ACY3: variants seen among roughly 807,000 people sequenced by gnomAD.
The protein encoded by ACY3 is N-acyl-aromatic-L-amino acid amidohydrolase (carboxylate-forming).
In ACY3, 20 loss-of-function variants were observed where a neutral mutation model predicts 24.6. That is an observed-to-expected ratio of 0.81 (90% CI 0.57 to 1.18). ACY3 has a LOEUF of 1.18. ACY3 is among the 50% of genes most tolerant of loss of function. The pLI, the probability that ACY3 is intolerant of heterozygous loss-of-function variation, is 0.00. For synonymous variants in ACY3, 174 were observed against 188.4 expected (o/e 0.92, Z 0.62); for missense variants, 423 against 426.8 (o/e 0.99, Z 0.08).
chr11:67,644,753 C>CACACAG lies in ACY3; in HGVS notation c.744+6_744+7insCTGTGT. The CACACAG allele has an allele frequency of 6.5e-7, 1 of 1,549,872 alleles. No homozygotes were observed. The highest frequency in any genetic ancestry group is 8.7e-7 in the Non-Finnish European group (1 of 1,147,454). On this transcript the variant is annotated splice_region_variant and intron_variant, in intron 7 of 7. Coordinates refer to ENST00000255082, the MANE Select transcript of ACY3 (RefSeq NM_080658.2). The stretch of plus-strand genomic sequence containing the variant: ...CCCACCACACACACACACACACACA[C>CACACAG]ACACACCTGCAGCTGAGGATGCACA...
chr11:67,645,217 C>T (rs969655566), intron 5 of ACY3, 65 bp from the exon 6 acceptor site: 1 of 1,606,144 alleles, frequency 6.2e-7, no homozygotes, highest in Non-Finnish European at 8.5e-7. Flanking sequence ...AGAGGCCCTG[C>T]CCCTTGGTGA....
chr11:67,643,367 G>A (rs568144401), intron 7 of ACY3, among the ~76,000 whole-genome samples: 1 of 152,358 alleles, frequency 6.6e-6, no homozygotes, highest in African/African-American at 2.4e-5. Flanking sequence ...CACACGGTAA[G>A]TACAATATGA....
intron 1 of ACY3, among the ~76,000 whole-genome samples, chr11:67,649,086 G>A (rs1170518758): frequency 6.6e-6 from 1 of 152,210 alleles, no homozygotes; most frequent in East Asian, 1.9e-4. Context: ...GAAGCTCTAG[G>A]GGTTGGGTGA....
In ACY3 at chr11:67,648,816, G is replaced by T. The variant is rs75274167; in HGVS notation, c.-94-1227C>A. Among the ~76,000 whole-genome samples the T allele has an allele frequency of 8.4e-3, 1,286 of 152,336 alleles. 18 individuals carry two copies. Among genetic ancestry groups the T allele is most frequent in the African/African-American group, 0.029 (1,215 of 41,572 alleles). On this transcript the variant is annotated intron_variant, in intron 1 of 7. Transcript: ENST00000255082. ...AGAGCATGGCGATTGTGGGGACAGGGGATTTGTCATCCTGGCTCCCATCAG... is the reference window on the plus strand; with the variant it reads ...AGAGCATGGCGATTGTGGGGACAGGTGATTTGTCATCCTGGCTCCCATCAG...
Position 67,645,303 on chromosome 11 carries a change from C to T in ACY3, c.510G>A (p.Val170=), listed in dbSNP as rs750723413. The stretch of plus-strand genomic sequence containing the variant: ...GCGGCCCACCCAGTCCATTTTTGGC[C>T]ACAGAGTCCAGGTTGTAGCTCTCCT... ...SGEESYNLDS[V]AKNGLGLELG... The change falls in exon 5 of 8, where the codon GTG becomes GTA. Residue 170 remains valine, a synonymous_variant. Coordinates refer to ENST00000255082, the MANE Select transcript of ACY3 (RefSeq NM_080658.2). 20 of 1,613,576 alleles carry T rather than the reference C, an allele frequency of 1.2e-5. No homozygotes were observed. The South Asian group carries it at 2.1e-4, about 17-fold the overall frequency.
chr11:67,645,535 T>C (rs2290958), intron 4 of ACY3, among the ~76,000 whole-genome samples, 155 bp from the exon 5 acceptor site: 110,458 of 152,006 alleles, frequency 0.73, 42,587 homozygotes, highest in South Asian at 0.92. Flanking sequence ...ACCGGGGGCC[T>C]GGAGTGCTGG....
At chr11:67,648,347 GGCACTCAGTGCGT>G (rs2134113128) in intron 1 of ACY3, among the ~76,000 whole-genome samples, 1 of 152,298 alleles carries the variant, frequency 6.6e-6, no homozygotes, top group Non-Finnish European at 1.5e-5. Flanking sequence ...GGCTGTAGGT[GGCACTCAGTGCGT>G]CCAATGTGGC....
intron 3 of ACY3, 29 bp from the exon 4 acceptor site, chr11:67,645,916 T>C: frequency 6.4e-7 from 1 of 1,556,892 alleles, no homozygotes; most frequent in Admixed American, 1.9e-5. Context: ...GGGACACCGA[T>C]CTTCACAGTC....
chr11:67,645,301 G>T lies in ACY3; in HGVS notation c.512C>A (p.Ala171Asp), dbSNP rs957241929. The T allele has an allele frequency of 2.5e-6, 4 of 1,613,530 alleles. No homozygotes were observed. The highest frequency in any genetic ancestry group is 3.4e-6 in the Non-Finnish European group (4 of 1,179,990). The change falls in exon 5 of 8, where the codon GCC becomes GAC. Residue 171 changes from alanine to aspartate, a missense_variant. Ala to Asp is a moderately radical substitution (Grantham distance 126). Coordinates refer to ENST00000255082, the MANE Select transcript of ACY3 (RefSeq NM_080658.2). ...CTGCGGCCCACCCAGTCCATTTTTG[G>T]CCACAGAGTCCAGGTTGTAGCTCTC... ...GEESYNLDSV[A>D]KNGLGLELGP...
chr11:67,642,982 G>A (rs1170712474), intron 7 of ACY3, 43 bp from the exon 8 acceptor site: 1 of 1,580,768 alleles, frequency 6.3e-7, no homozygotes, highest in Non-Finnish European at 8.6e-7. Flanking sequence ...GGCCACCTCT[G>A]CCCTGGCCCC....
In ACY3 at chr11:67,642,624, G is replaced by T; in HGVS notation, c.*100C>A. On this transcript the variant is annotated 3_prime_UTR_variant, in exon 8 of 8. Coordinates refer to ENST00000255082, the MANE Select transcript of ACY3 (RefSeq NM_080658.2). ...GTTGGGGAGGCCTGGCAAGGAACATGGTGCATGGTAGGTGGCAGAAGGGAC... is the reference window on the plus strand; with the variant it reads ...GTTGGGGAGGCCTGGCAAGGAACATTGTGCATGGTAGGTGGCAGAAGGGAC... 7.9e-7 allele frequency: 1 copy of T among 1,267,928 alleles called. No homozygotes were observed. The highest frequency in any genetic ancestry group is 1.1e-6 in the Non-Finnish European group (1 of 870,830). The allele number at this position is 1,267,928 out of a possible 1,614,324, so 78.5% of individuals were successfully genotyped here.
At chr11:67,643,807 C>T (rs937961933) in intron 7 of ACY3, among the ~76,000 whole-genome samples, 1 of 151,728 alleles carries the variant, frequency 6.6e-6, no homozygotes, top group African/African-American at 2.4e-5. Flanking sequence ...CCAGCCTGGC[C>T]AACGTGGTGA....
intron 1 of ACY3, among the ~76,000 whole-genome samples, chr11:67,648,304 G>C (rs903788906): frequency 6.6e-6 from 1 of 151,972 alleles, no homozygotes; most frequent in African/African-American, 2.4e-5. Flanking sequence ...CCCTAGAGGC[G>C]GGCTGCAGGT....
rs751021270 is a variant in ACY3 at position 67,645,698 on chromosome 11, A to T, written c.426T>A (p.His142Gln). 6.2e-7 allele frequency: 1 copy of T among 1,601,508 alleles called. No homozygotes were observed. Among genetic ancestry groups the T allele is most frequent in the Non-Finnish European group, 8.5e-7 (1 of 1,174,012 alleles). ...HEVFAMHLCR[H>Q]LQLQYPELSC... is the part of the protein sequence containing the mutation. ...TGCTTGGGGCCGGGGCCACCTGCAG[A>T]TGGCGGCACAGGTGCATGGCAAAGA... Residue 142 changes from histidine (H) to glutamine (Q), a missense_variant, in exon 4 of 8, where the codon CAT (histidine) becomes CAA (glutamine). Physicochemically the swap from His to Gln is conservative, Grantham distance 24 (BLOSUM62 0). Coordinates refer to ENST00000255082, the MANE Select transcript of ACY3 (RefSeq NM_080658.2).
intron 2 of ACY3, 25 bp from the exon 3 acceptor site, chr11:67,647,088 C>A (rs373699278): frequency 1.4e-6 from 2 of 1,431,184 alleles, no homozygotes; most frequent in East Asian, 2.5e-5. Context: ...ACTTAGGAGA[C>A]CCTGGCCCCG....
chr11:67,649,587 T>C (rs1274075688), intron 1 of ACY3, among the ~76,000 whole-genome samples: 2 of 150,758 alleles, frequency 1.3e-5, no homozygotes, highest in South Asian at 2.1e-4. Flanking sequence ...TGCGTGTGCA[T>C]GAGAGCATGT....
At position 67,644,758 on chromosome 11, in the gene ACY3, A is replaced by ACACC; in HGVS notation, c.744+1_744+2insGGTG. 14 of 1,540,896 alleles carry ACACC rather than the reference A, an allele frequency of 9.1e-6. No individual in the cohort carries two copies. Among genetic ancestry groups the ACACC allele is most frequent in the Non-Finnish European group, 1.2e-5 (14 of 1,142,210 alleles). Reference sequence around the variant, plus strand: ...CACACACACACACACACACACACACACCTGCAGCTGAGGATGCACAGTGCC... The same window carrying ACACC: ...CACACACACACACACACACACACACACACCCCTGCAGCTGAGGATGCACAGTGCC... On this transcript the variant is annotated splice_donor_variant, in intron 7 of 7. Coordinates refer to ENST00000255082, the MANE Select transcript of ACY3 (RefSeq NM_080658.2). LOFTEE classifies it high-confidence loss of function.
Position 67,642,747 on chromosome 11 carries a change from G to A in ACY3, c.937C>T (p.Pro313Ser), listed in dbSNP as rs758845029. The A allele has an allele frequency of 2.5e-6, 4 of 1,614,042 alleles. No individual in the cohort carries two copies. Among genetic ancestry groups the A allele is most frequent in the African/African-American group, 1.3e-5 (1 of 74,924 alleles). ...GGTTAGGAAGCTGGGCTCGGGGCAGGGGTCAGCGCGGGCATGGCAGGCACG... is the reference window on the plus strand; with the variant it reads ...GGTTAGGAAGCTGGGCTCGGGGCAGAGGTCAGCGCGGGCATGGCAGGCACG... ...FTVPAMPALT[P>S]APSPAS Residue 313 changes from proline to serine, a missense_variant, in exon 8 of 8, where the codon CCT becomes TCT. Transcript: ENST00000255082.
chr11:67,642,640 C>T lies in ACY3; in HGVS notation c.*84G>A, dbSNP rs572426815. 66 of 1,433,634 alleles carry T rather than the reference C, an allele frequency of 4.6e-5. 1 individual carries two copies. In the African/African-American group the frequency reaches 8.3e-4, roughly 18 times the overall value. The allele number at this position is 1,433,634 out of a possible 1,614,324, so 88.8% of individuals were successfully genotyped here. On this transcript the variant is annotated 3_prime_UTR_variant, in exon 8 of 8. Transcript: ENST00000255082. ...AAGGAACATGGTGCATGGTAGGTGG[C>T]AGAAGGGACCTCTGTGCTCAGAGCT...
Sources: allele counts gnomAD v4.1 joint callset (sites outside exome capture counted in the v4.1 genomes callset), GRCh38; gene constraint gnomAD v4.1.1; transcripts MANE v1.5; gene names NCBI Gene and HGNC (gene_info 2026-07-23, HGNC 2026-07-21).